CREB5: variants seen among roughly 807,000 people sequenced by gnomAD.
The protein encoded by CREB5 is cyclic AMP-responsive element-binding protein 5.
Under a neutral mutation model 57.1 loss-of-function variants are expected in CREB5, and 19 were observed. The ratio of observed to expected loss-of-function variants is 0.33; its 90% CI spans 0.23 to 0.49. The LOEUF (loss-of-function observed/expected upper bound fraction) is 0.49, where lower values mean the gene tolerates loss of function less well. CREB5 is among the 20% of genes least tolerant of loss of function. The probability of loss-of-function intolerance (pLI) is 0.99; values close to 1 mark genes in which losing one functional copy is unlikely to be tolerated. For missense variants in CREB5, 579 were observed against 671.6 expected (o/e 0.86, Z 1.52); for synonymous variants, 238 against 238.3 (o/e 1.00, Z 0.01).
chr7:28,462,455 G>A (rs1359962490), intron 1 of CREB5, among the ~76,000 whole-genome samples: 1 of 152,074 alleles, frequency 6.6e-6, no homozygotes. Context: ...GGAATGGCTG[G>A]GTCATTTGGT....
At chr7:28,780,404 C>T (rs969078600) in intron 7 of CREB5, among the ~76,000 whole-genome samples, 50 of 152,128 alleles carry the variant, frequency 3.3e-4, no homozygotes, top group Admixed American at 2.9e-3. Context: ...CAATTCACAA[C>T]GTAATTAATC....
intron 1 of CREB5, among the ~76,000 whole-genome samples, chr7:28,391,937 A>G (rs181820174): frequency 5.3e-5 from 8 of 152,064 alleles, no homozygotes; most frequent in Admixed American, 5.2e-4. Context: ...TAGGAATGCC[A>G]AAGGGAATTT....
At chr7:28,564,789 T>G (rs1307896743) in intron 4 of CREB5, among the ~76,000 whole-genome samples, 2 of 152,260 alleles carry the variant, frequency 1.3e-5, no homozygotes, top group Non-Finnish European at 1.5e-5. Flanking sequence ...CCTTGGGGTT[T>G]GGCAGAAAGC....
chr7:28,449,865 G>A (rs1789705426), intron 1 of CREB5, among the ~76,000 whole-genome samples: 1 of 152,148 alleles, frequency 6.6e-6, no homozygotes, highest in African/African-American at 2.4e-5. Context: ...AAAGGTTTCT[G>A]TCAACCTTTC....
chr7:28,402,532 C>T (rs867272874), intron 1 of CREB5, among the ~76,000 whole-genome samples: 160 of 152,106 alleles, frequency 1.1e-3, no homozygotes, highest in African/African-American at 3.8e-3. Flanking sequence ...CATCTACAAC[C>T]ATCTGATCTT....
At chr7:28,667,951 T>C (rs1799889334) in intron 5 of CREB5, among the ~76,000 whole-genome samples, 1 of 152,204 alleles carries the variant, frequency 6.6e-6, no homozygotes, top group Non-Finnish European at 1.5e-5. Context: ...TGTGAGACAA[T>C]TTAAAGGTTT....
chr7:28,737,587 A>ATATT (rs1804103859), intron 7 of CREB5, among the ~76,000 whole-genome samples: 1 of 102,754 alleles, frequency 9.7e-6, no homozygotes, highest in African/African-American at 3.6e-5. Context: ...ATATATATAT[A>ATATT]TTTTTAACTC....
intron 1 of CREB5, among the ~76,000 whole-genome samples, chr7:28,361,907 C>T (rs1786493300): frequency 6.6e-6 from 1 of 152,198 alleles, no homozygotes; most frequent in African/African-American, 2.4e-5. Context: ...TTCCCACTAG[C>T]ACTGCAGGAA....
chr7:28,446,380 C>T (rs1562721812), intron 1 of CREB5, among the ~76,000 whole-genome samples: 1 of 152,204 alleles, frequency 6.6e-6, no homozygotes, highest in Non-Finnish European at 1.5e-5. Flanking sequence ...GGTGTGAAGT[C>T]TTCATCGCCC....
intron 1 of CREB5, among the ~76,000 whole-genome samples, chr7:28,317,998 C>T (rs144708553): frequency 1.2e-4 from 18 of 152,308 alleles, no homozygotes; most frequent in African/African-American, 4.3e-4. Flanking sequence ...TTTCCAAATA[C>T]ACTTCTGAAA....
At chr7:28,573,374 A>G (rs1446935612) in intron 5 of CREB5, among the ~76,000 whole-genome samples, 2 of 152,202 alleles carry the variant, frequency 1.3e-5, no homozygotes, top group African/African-American at 4.8e-5. Context: ...CCACCTGCAA[A>G]TGTTTGCCAT....
At chr7:28,541,274 T>TA (rs368545428) in intron 4 of CREB5, among the ~76,000 whole-genome samples, 1 of 152,090 alleles carries the variant, frequency 6.6e-6, no homozygotes, top group Admixed American at 6.6e-5. Context: ...GCTCTACTGT[T>TA]AAAAATCTAA....
chr7:28,697,600 T>C (rs1013985833), intron 5 of CREB5, among the ~76,000 whole-genome samples: 1 of 152,170 alleles, frequency 6.6e-6, no homozygotes, highest in African/African-American at 2.4e-5. Flanking sequence ...ATGATTAATT[T>C]ATTTCTTAGG....
intron 5 of CREB5, among the ~76,000 whole-genome samples, chr7:28,636,236 A>T (rs557753215): frequency 2.1e-4 from 32 of 152,138 alleles, no homozygotes; most frequent in African/African-American, 7.5e-4. Context: ...CTGCTTGCCC[A>T]TGCCCTTTTT....
chr7:28,445,560 T>C (rs1174949395), intron 1 of CREB5, among the ~76,000 whole-genome samples: 1 of 151,954 alleles, frequency 6.6e-6, no homozygotes, highest in African/African-American at 2.4e-5. Context: ...TTCTTTTTTT[T>C]TTTTTATTTG....
At chr7:28,624,103 G>C (rs1264704879) in intron 5 of CREB5, among the ~76,000 whole-genome samples, 1 of 152,178 alleles carries the variant, frequency 6.6e-6, no homozygotes, top group African/African-American at 2.4e-5. Flanking sequence ...ATAGTCTGAA[G>C]CCGTTACAAA....
chr7:28,563,672 T>C (rs1795365991), intron 4 of CREB5, among the ~76,000 whole-genome samples: 1 of 152,190 alleles, frequency 6.6e-6, no homozygotes, highest in Non-Finnish European at 1.5e-5. Context: ...ACCACAGGTG[T>C]GTGCCACCAT....
At chr7:28,671,578 G>A (rs776602968) in intron 5 of CREB5, among the ~76,000 whole-genome samples, 14 of 152,112 alleles carry the variant, frequency 9.2e-5, no homozygotes, top group Non-Finnish European at 1.5e-4. Flanking sequence ...TTGCTTAGTC[G>A]CCAGTCAACA....
intron 9 of CREB5, among the ~76,000 whole-genome samples, chr7:28,812,880 G>C (rs1809206892): frequency 6.6e-6 from 1 of 152,170 alleles, no homozygotes. Context: ...CAGCCAAATG[G>C]AATATCCAAG....
Sources: allele counts gnomAD v4.1 joint callset (sites outside exome capture counted in the v4.1 genomes callset), GRCh38; gene constraint gnomAD v4.1.1; transcripts MANE v1.5; gene names NCBI Gene and HGNC (gene_info 2026-07-23, HGNC 2026-07-21).